Variants in TULP4 observed in about 807,000 individuals in gnomAD.
TULP4 encodes the protein TUB like protein 4.
Under a neutral mutation model 129.0 loss-of-function variants are expected in TULP4, and 16 were observed. The ratio of observed to expected loss-of-function variants is 0.12; its 90% CI spans 0.08 to 0.19. The LOEUF (loss-of-function observed/expected upper bound fraction) is 0.19. TULP4 is among the 10% of genes least tolerant of loss of function. The pLI is 1.00. For synonymous variants in TULP4, 998 were observed against 854.0 expected, an observed-to-expected ratio of 1.17 and a Z score of -2.94; for missense variants, 1,842 against 2,059.1, an observed-to-expected ratio of 0.89 and a Z score of 2.04.
chr6:158,294,859 G>A (rs1195445660), intron 1 of TULP4, among the ~76,000 whole-genome samples: 1 of 152,182 alleles, frequency 6.6e-6, no homozygotes, highest in Admixed American at 6.5e-5. Context: ...AGTCTCCTGA[G>A]TAGCCGGGAC....
upstream of TULP4, among the ~76,000 whole-genome samples, chr6:158,308,924 G>A (rs1289532297): frequency 5.6e-5 from 8 of 142,962 alleles, no homozygotes; most frequent in Admixed American, 1.4e-4. Flanking sequence ...GCGGCTGGCC[G>A]GGCGGGGGGC....
At chr6:158,309,504 G>T (rs1281477646), upstream of TULP4, among the ~76,000 whole-genome samples, 4 of 151,878 alleles carry the variant, frequency 2.6e-5, no homozygotes, top group East Asian at 7.9e-4. Flanking sequence ...CCGGGCAGAG[G>T]CTGCACTCTC....
chr6:158,267,846 T>A (rs1778475184), intron 1 of TULP4, among the ~76,000 whole-genome samples: 1 of 152,112 alleles, frequency 6.6e-6, no homozygotes, highest in Admixed American at 6.6e-5. Flanking sequence ...TGTGCTTGCA[T>A]TTGCCTGGCT....
intron 1 of TULP4, among the ~76,000 whole-genome samples, chr6:158,386,350 T>C (rs1338904510): frequency 5.9e-5 from 9 of 152,172 alleles, no homozygotes; most frequent in Non-Finnish European, 1.3e-4. Context: ...AAGGGGTCAT[T>C]ACTCAAAATT....
At chr6:158,335,930 A>T (rs1780022030) in intron 1 of TULP4, among the ~76,000 whole-genome samples, 1 of 152,214 alleles carries the variant, frequency 6.6e-6, no homozygotes, top group Non-Finnish European at 1.5e-5. Context: ...TGTATGTTGG[A>T]CGTGTATCTT....
Position 158,498,773 on chromosome 6 carries a change from A to C in TULP4, c.1975A>C (p.Asn659His). 1 of 1,614,248 alleles carries C rather than the reference A, an allele frequency of 6.2e-7. No homozygotes were observed. The highest frequency in any genetic ancestry group is 8.5e-7 in the Non-Finnish European group (1 of 1,180,042). Residue 659 changes from asparagine (N) to histidine (H), a missense_variant, in exon 12 of 14, where the codon AAC (asparagine) becomes CAC (histidine). Transcript: ENST00000367097. ...SMDYINLPVF[N>H]PNVFSEDEDD... ...GGACTATATTAATTTACCTGTCTTC[A>C]ACCCAAATGTTTTCAGTGAAGATGA...
At chr6:158,235,973 G>A (rs1183982375) in intron 1 of TULP4, among the ~76,000 whole-genome samples, 1 of 152,224 alleles carries the variant, frequency 6.6e-6, no homozygotes, top group African/African-American at 2.4e-5. Flanking sequence ...AATCCTTGCT[G>A]GGTCCTATCA....
intron 1 of TULP4, among the ~76,000 whole-genome samples, chr6:158,289,949 T>G (rs1046574362): frequency 6.6e-6 from 1 of 151,936 alleles, no homozygotes; most frequent in African/African-American, 2.4e-5. Context: ...AGAAGTGTTT[T>G]GTTTTGTTTT....
chr6:158,243,847 G>GGGGT (rs376169153), intron 1 of TULP4, among the ~76,000 whole-genome samples: 1 of 143,510 alleles, frequency 7.0e-6, no homozygotes, highest in African/African-American at 2.6e-5. Context: ...AGCTGAAATA[G>GGGGT]GTGTGTGTGT....
At chr6:158,333,139 A>G (rs897740066) in intron 1 of TULP4, among the ~76,000 whole-genome samples, 5 of 152,230 alleles carry the variant, frequency 3.3e-5, no homozygotes, top group African/African-American at 1.2e-4. Context: ...TATAAAAACC[A>G]AACCTACCAA....
chr6:158,293,002 G>A (rs947251562), intron 1 of TULP4, among the ~76,000 whole-genome samples: 2 of 152,108 alleles, frequency 1.3e-5, no homozygotes, highest in African/African-American at 4.8e-5. Context: ...CCCCAATATG[G>A]TACCACAGTA....
chr6:158,238,375 G>A, intron 1 of TULP4: 3 of 688,836 alleles, frequency 4.4e-6, no homozygotes, highest in Admixed American at 2.2e-5. Context: ...GCATTGTTCG[G>A]CCTGGTTTGT....
chr6:158,407,302 A>C (rs1269371488), intron 1 of TULP4, among the ~76,000 whole-genome samples: 1 of 152,256 alleles, frequency 6.6e-6, no homozygotes, highest in African/African-American at 2.4e-5. Context: ...CATCAGGGAA[A>C]CACAAATCAA....
intron 1 of TULP4, among the ~76,000 whole-genome samples, chr6:158,371,621 A>G (rs1302314405): frequency 6.6e-6 from 1 of 152,166 alleles, no homozygotes; most frequent in African/African-American, 2.4e-5. Context: ...GGAGGCTGAC[A>G]AGAGAGATTA....
intron 1 of TULP4, among the ~76,000 whole-genome samples, chr6:158,302,327 G>T (rs1188952327): frequency 6.6e-6 from 1 of 152,220 alleles, no homozygotes; most frequent in African/African-American, 2.4e-5. Flanking sequence ...CAATATGAAA[G>T]AAATAGTCTT....
intron 1 of TULP4, among the ~76,000 whole-genome samples, chr6:158,256,005 C>G (rs529890190): frequency 6.8e-6 from 1 of 146,602 alleles, no homozygotes; most frequent in Admixed American, 6.7e-5. Flanking sequence ...ATCGCAAGAG[C>G]AGAGCCTGTT....
Position 158,242,232 on chromosome 6 carries a change from G to C in TULP4, n.68+9929G>C, listed in dbSNP as rs966667642. ...GGCAAAGACCTTCAGCTTTTTGTAG[G>C]ATGTTCATGGCCTGGTTCAGCTGGC... On this transcript the variant is annotated intron_variant and non_coding_transcript_variant, in intron 1 of 1. Transcript: ENST00000620026. 13 of 1,522,676 alleles carry C rather than the reference G, an allele frequency of 8.5e-6. No homozygotes were observed. The African/African-American group carries it at 1.7e-4, about 19-fold the overall frequency. 94.3% of individuals were successfully genotyped at this position (1,522,676 alleles called of 1,614,324 possible).
At chr6:158,331,724 CACACATACGTATAT>C (rs1354551335) in intron 1 of TULP4, among the ~76,000 whole-genome samples, 1 of 26,616 alleles carries the variant, frequency 3.8e-5, no homozygotes, top group African/African-American at 2.3e-4. Context: ...CACACACACA[CACACATACGTATAT>C]ATATACGTGT....
At chr6:158,492,728 G>A (rs1353171340) in intron 9 of TULP4, among the ~76,000 whole-genome samples, 1 of 152,122 alleles carries the variant, frequency 6.6e-6, no homozygotes, top group African/African-American at 2.4e-5. Context: ...GGAGCCCAGA[G>A]TTTCTCATCA....
Sources: gnomAD v4.1 joint callset for allele counts (sites outside exome capture counted in the v4.1 genomes callset) on GRCh38, gnomAD v4.1.1 for gene constraint, MANE v1.5 for transcripts, NCBI Gene and HGNC (gene_info 2026-07-23, HGNC 2026-07-21) for gene names.